The following VAV2 variants were observed in gnomAD, a reference collection of about 807,000 sequenced individuals.
VAV2 encodes the protein vav guanine nucleotide exchange factor 2.
Under a neutral mutation model 132.5 loss-of-function variants are expected in VAV2, and 67 were observed. The observed-to-expected ratio is 0.51, with a 90% CI of 0.42 to 0.62. The LOEUF (loss-of-function observed/expected upper bound fraction) is 0.62, where lower values mean the gene tolerates loss of function less well. Among genes scored for constraint, VAV2 ranks in the 20% least tolerant of loss-of-function variants. VAV2 has a pLI of 0.00. For synonymous variants in VAV2, 492 were observed against 443.5 expected (o/e 1.11, Z -1.37); for missense variants, 938 against 1,153.6 (o/e 0.81, Z 2.71).
At position 133,789,252 on chromosome 9, in the gene VAV2, G is replaced by C. The variant is rs770726642; in HGVS notation, c.1274+6C>G. The stretch of plus-strand genomic sequence containing the variant: ...CCACCCAGCCCACAACACGCGCCCT[G>C]CTCACCTGTCCTGCTTGGTGTGGTT... On this transcript the variant is annotated splice_donor_region_variant and intron_variant, in intron 14 of 29. Transcript: ENST00000371850. The C allele has an allele frequency of 6.2e-7, 1 of 1,613,876 alleles. No homozygotes were observed. The highest frequency in any genetic ancestry group is 8.5e-7 in the Non-Finnish European group (1 of 1,179,926).
chr9:133,786,015 T>C (rs1200299064), intron 16 of VAV2, 130 bp from the exon 17 acceptor site: 2 of 790,962 alleles, frequency 2.5e-6, no homozygotes, highest in Non-Finnish European at 4.2e-6. Context: ...TGCCTGTGCC[T>C]GTGTGAACAC....
Position 133,828,320 on chromosome 9 carries a change from C to G in VAV2, c.449+5952G>C, listed in dbSNP as rs1342228746. ...TGACCACTGAGTGGGGGCATCACCA[C>G]CTACCGCTGCGCCCACTGGGGCTGA... On this transcript the variant is annotated intron_variant, in intron 4 of 29. Transcript: ENST00000371850. Among the ~76,000 whole-genome samples the G allele has an allele frequency of 2.1e-4, 18 of 84,242 alleles. 1 individual carries two copies. Among genetic ancestry groups the G allele is most frequent in the Middle Eastern group, 4.7e-3 (1 of 214 alleles). The allele number at this position is 84,242 out of a possible 152,430, so 55.3% of individuals were successfully genotyped here.
At position 133,784,240 on chromosome 9, in the gene VAV2, A is replaced by G; in HGVS notation, c.1634+77T>C. The G allele has an allele frequency of 2.7e-6, 4 of 1,484,558 alleles. No homozygotes were observed. In the Admixed American group the frequency reaches 6.7e-5, roughly 25 times the overall value. 92.0% of individuals were successfully genotyped at this position (1,484,558 alleles called of 1,614,324 possible). On this transcript the variant is annotated intron_variant, in intron 18 of 29. Coordinates refer to ENST00000371850, the MANE Select transcript of VAV2 (RefSeq NM_001134398.2). ...GCCTCCCACAGGGAACATGGGACAG[A>G]TAGAACACTAAGCTCTCTCAGGGGC...
intron 3 of VAV2, among the ~76,000 whole-genome samples, chr9:133,849,099 T>C (rs768146159): frequency 4.6e-5 from 7 of 152,198 alleles, no homozygotes; most frequent in African/African-American, 9.6e-5. Flanking sequence ...TTGTTTTGCT[T>C]GTTACAGAGT....
chr9:133,860,477 C>T (rs530283593), intron 3 of VAV2, among the ~76,000 whole-genome samples: 34 of 152,246 alleles, frequency 2.2e-4, no homozygotes, highest in African/African-American at 7.0e-4. Flanking sequence ...GGCAACTGCG[C>T]CACCCAAAAG....
chr9:133,969,946 G>A lies in VAV2; in HGVS notation c.204+22129C>T, dbSNP rs1842272685. Among the ~76,000 whole-genome samples, 1 of 152,104 alleles carries A rather than the reference G, an allele frequency of 6.6e-6. No homozygotes were observed. Among genetic ancestry groups the A allele is most frequent in the African/African-American group, 2.4e-5 (1 of 41,426 alleles). ...GCCCAGGGTTCCCTGGCACACCCAG[G>A]ATGAAGCCGGCCCTGCCTCCCTGCA... On this transcript the variant is annotated intron_variant, in intron 1 of 29. Coordinates refer to ENST00000371850, the MANE Select transcript of VAV2 (RefSeq NM_001134398.2). This position sits in a 1 kb window ranked among gnomAD's most constrained non-coding sequence, Gnocchi z 5.1.
chr9:133,799,333 G>A (rs973373051), intron 9 of VAV2, among the ~76,000 whole-genome samples: 5 of 152,318 alleles, frequency 3.3e-5, no homozygotes, highest in East Asian at 3.9e-4. Flanking sequence ...CCCTCCCAGC[G>A]CTGCGCGTGG....
intron 3 of VAV2, among the ~76,000 whole-genome samples, chr9:133,852,187 G>T (rs1837215210): frequency 6.6e-6 from 1 of 151,714 alleles, no homozygotes; most frequent in African/African-American, 2.4e-5. Flanking sequence ...TAGCGATGAG[G>T]GGACGGATGG....
intron 1 of VAV2, among the ~76,000 whole-genome samples, chr9:133,985,093 A>G (rs551688235): frequency 1.3e-5 from 2 of 152,272 alleles, no homozygotes; most frequent in South Asian, 4.1e-4. Context: ...ATAGACACAT[A>G]TGGATACAGA....
intron 3 of VAV2, among the ~76,000 whole-genome samples, chr9:133,850,107 C>T (rs1441066843): frequency 1.3e-5 from 2 of 152,174 alleles, no homozygotes; most frequent in Non-Finnish European, 2.9e-5. Flanking sequence ...TGGTTGGGTC[C>T]CTCACCACCA....
chr9:133,930,145 C>A lies in VAV2; in HGVS notation c.321+8958G>T, dbSNP rs577260362. 1.5e-4 allele frequency among the ~76,000 whole-genome samples: 23 copies of A among 152,330 alleles called. No individual in the cohort carries two copies. The South Asian group carries it at 4.6e-3, about 30-fold the overall frequency. On this transcript the variant is annotated intron_variant, in intron 2 of 29. Coordinates refer to ENST00000371850, the MANE Select transcript of VAV2 (RefSeq NM_001134398.2). ...GCATCCTCTATAGACTGCTGGTCAG[C>A]GCCCTCCCCTCCAGGGTCAGGCCTT... is the stretch of plus-strand genomic sequence containing the variant.
intron 2 of VAV2, among the ~76,000 whole-genome samples, chr9:133,888,947 G>GACGAC (rs1201082727): frequency 6.6e-6 from 1 of 152,202 alleles, no homozygotes; most frequent in Non-Finnish European, 1.5e-5. Flanking sequence ...TTCGCAAGGA[G>GACGAC]ACGACACGAA....
chr9:133,801,431 T>A (rs1054213248), intron 9 of VAV2, among the ~76,000 whole-genome samples: 1 of 152,226 alleles, frequency 6.6e-6, no homozygotes. Context: ...CACATGGCTC[T>A]CAACCCTGGC....
intron 16 of VAV2, among the ~76,000 whole-genome samples, chr9:133,786,537 C>T (rs944764345): frequency 6.6e-6 from 1 of 152,194 alleles, no homozygotes; most frequent in Non-Finnish European, 1.5e-5. Flanking sequence ...CACCCAGGGC[C>T]CCTCCACGAG....
chr9:133,789,167 G>A (rs1834351746), intron 14 of VAV2, 91 bp downstream of exon 14: 2 of 1,395,580 alleles, frequency 1.4e-6, no homozygotes, highest in Non-Finnish European at 9.9e-7. Flanking sequence ...AGGAAGGCCT[G>A]GCTTCCAGAG....
At chr9:133,983,162 G>C (rs922452924) in intron 1 of VAV2, among the ~76,000 whole-genome samples, 1 of 152,114 alleles carries the variant, frequency 6.6e-6, no homozygotes, top group Non-Finnish European at 1.5e-5. Flanking sequence ...TTCCACACTG[G>C]CCCCACCAGG....
intron 4 of VAV2, among the ~76,000 whole-genome samples, chr9:133,832,404 C>T (rs7030082): frequency 0.019 from 2,838 of 152,254 alleles, 76 homozygotes; most frequent in African/African-American, 0.065. Flanking sequence ...GGGTTGGGGC[C>T]TTATCCCTAA....
At chr9:133,806,305 G>A in intron 8 of VAV2, 124 bp from the exon 9 acceptor site, 1 of 810,830 alleles carries the variant, frequency 1.2e-6, no homozygotes, top group Non-Finnish European at 2.0e-6. Context: ...CGGGTGCTGG[G>A]CCTGCACCCC....
intron 1 of VAV2, among the ~76,000 whole-genome samples, chr9:133,965,322 TAA>T (rs34190461): frequency 7.0e-6 from 1 of 143,068 alleles, no homozygotes. Flanking sequence ...ACCCCATCTC[TAA>T]AAAAAAAAAA....
Sources: allele counts gnomAD v4.1 joint callset (sites outside exome capture counted in the v4.1 genomes callset), GRCh38; gene constraint gnomAD v4.1.1; non-coding constraint Gnocchi (gnomAD v3.1); transcripts MANE v1.5; gene names NCBI Gene and HGNC (gene_info 2026-07-23, HGNC 2026-07-21).